Variants in C2CD3 observed in about 807,000 individuals in gnomAD.
C2CD3 encodes the protein C2 domain-containing protein 3.
In C2CD3, 148 loss-of-function variants were observed where a neutral mutation model predicts 234.0. The ratio of observed to expected loss-of-function variants is 0.63; its 90% CI spans 0.55 to 0.72. C2CD3 has a LOEUF of 0.72. C2CD3 is among the 30% of genes least tolerant of loss of function. C2CD3 has a pLI of 0.00. For synonymous variants in C2CD3, 1,000 were observed against 1,035.4 expected (o/e 0.97, Z 0.66); for missense variants, 2,577 against 2,811.5 (o/e 0.92, Z 1.89).
Position 74,106,377 on chromosome 11 carries a change from G to A in C2CD3, c.2079C>T (p.Pro693=). 6.2e-7 allele frequency: 1 copy of A among 1,613,998 alleles called. No individual in the cohort carries two copies. Among genetic ancestry groups the A allele is most frequent in the Non-Finnish European group, 8.5e-7 (1 of 1,179,940 alleles). Residue 693 remains proline, a synonymous_variant, in exon 13 of 33, where the codon CCC becomes CCT. Transcript: ENST00000334126. ...QQENGQSPFG[P]LKVTMELITD... The stretch of plus-strand genomic sequence containing the variant: ...TGAATGTATATCTACATACCTTGAG[G>A]GGGCCAAATGGAGACTGACCATTTT...
chr11:74,157,335 C>T (rs1020085375), intron 3 of C2CD3, among the ~76,000 whole-genome samples: 19 of 152,060 alleles, frequency 1.2e-4, no homozygotes, highest in Non-Finnish European at 2.6e-4. Flanking sequence ...AAACGATATA[C>T]AGTAATTCAT....
chr11:74,113,498 G>A (rs1369773307), intron 11 of C2CD3: 3 of 371,224 alleles, frequency 8.1e-6, no homozygotes, highest in African/African-American at 2.1e-5. Context: ...GGCCAACATG[G>A]TGAAACCCTG....
At position 74,044,392 on chromosome 11, in the gene C2CD3, T is replaced by C. The variant is rs144697628; in HGVS notation, c.5496-2174A>G. Among the ~76,000 whole-genome samples, 664 of 150,864 alleles carry C rather than the reference T, an allele frequency of 4.4e-3. 3 individuals are homozygous for C. The highest frequency in any genetic ancestry group is 0.034 in the Middle Eastern group (10 of 292). ...ATCGCTTGAACCCGGGAGGTGGAGG[T>C]TGCAGTGGGCCAAGATCGTGCCACT... is the stretch of plus-strand genomic sequence containing the variant. On this transcript the variant is annotated intron_variant, in intron 28 of 32. Transcript: ENST00000334126.
rs1354823993 is a variant in C2CD3, at chr11:74,103,327, T to C, written c.2384A>G (p.Asn795Ser). ...PASHNLVNQT[N>S]GTTKESALLL... ...CAAAGCACTCTCTTTTGTTGTCCCA[T>C]TTGTCTGATTGACTAAATTATGGGA... The change falls in exon 14 of 33, where the codon AAT becomes AGT. Residue 795 changes from asparagine (N) to serine (S), a missense_variant. By Grantham distance (46) the Asn-to-Ser change is conservative (BLOSUM62 1). Transcript: ENST00000334126. 1.2e-6 allele frequency: 2 copies of C among 1,614,204 alleles called. No homozygotes were observed. The highest frequency in any genetic ancestry group is 3.3e-5 in the Admixed American group (2 of 60,018).
chr11:74,013,393 T>C lies in C2CD3; in HGVS notation c.7054A>G (p.Lys2352Glu). ...ARIFSSQYSQ[K>E]D ...CAGCCCCTCAGGCTGCGTCAGTCTT[T>C]CTGGGAGTACTGAGAAGAAAATATC... The change falls in exon 33 of 33, where the codon AAA (lysine) becomes GAA (glutamate). Residue 2352 changes from lysine to glutamate, a missense_variant. By Grantham distance (56) the Lys-to-Glu change is moderately conservative (BLOSUM62 1). Coordinates refer to ENST00000334126, the MANE Select transcript of C2CD3 (RefSeq NM_001286577.2). 9.0e-7 allele frequency: 1 copy of C among 1,106,654 alleles called. No homozygotes were observed. Among genetic ancestry groups the C allele is most frequent in the Non-Finnish European group, 1.2e-6 (1 of 827,918 alleles). The allele number at this position is 1,106,654 out of a possible 1,614,324, so 68.6% of individuals were successfully genotyped here.
rs1397646723 is a variant in C2CD3 at position 74,168,516 on chromosome 11, C to A, written c.153G>T (p.Lys51Asn). 6.2e-7 allele frequency: 1 copy of A among 1,614,212 alleles called. No individual in the cohort carries two copies. Among genetic ancestry groups the A allele is most frequent in the Non-Finnish European group, 8.5e-7 (1 of 1,180,016 alleles). ...LKLTVNRVIW[K>N]IAKPPTCVLV... ...GTACACAAGTGGGAGGCTTTGCAAT[C>A]TTCCATATGACTCTATTAACAGTAA... The change falls in exon 2 of 33, where the codon AAG (lysine) becomes AAT (asparagine). Residue 51 changes from lysine (K) to asparagine (N), a missense_variant. By Grantham distance (94) the Lys-to-Asn change is moderately conservative. Coordinates refer to ENST00000334126, the MANE Select transcript of C2CD3 (RefSeq NM_001286577.2).
intron 22 of C2CD3, among the ~76,000 whole-genome samples, chr11:74,081,589 G>C (rs1955363195): frequency 6.7e-6 from 1 of 149,542 alleles, no homozygotes; most frequent in Non-Finnish European, 1.5e-5. Context: ...TAATGTAATG[G>C]ATATTGCCAT....
At chr11:74,120,983 C>T (rs1398075814) in intron 8 of C2CD3, among the ~76,000 whole-genome samples, 2 of 150,218 alleles carry the variant, frequency 1.3e-5, no homozygotes, top group African/African-American at 4.9e-5. Flanking sequence ...ATAGTGAGAC[C>T]CTGTCTCTAC....
rs1251569445 is a variant in C2CD3 at position 74,091,241 on chromosome 11, T to C, written c.3518-305A>G. The C allele has an allele frequency of 1.3e-5, 3 of 239,520 alleles. 1 individual carries two copies. The highest frequency in any genetic ancestry group is 2.3e-5 in the African/African-American group (1 of 43,952). The allele number at this position is 239,520 out of a possible 1,614,324, so 14.8% of individuals were successfully genotyped here. On this transcript the variant is annotated intron_variant, in intron 19 of 32. Coordinates refer to ENST00000334126, the MANE Select transcript of C2CD3 (RefSeq NM_001286577.2). ...TTCTTTTTACCCCCAATTATGTTTA[T>C]AGAATTGAGATGGGCTCTAGCCATT... is the stretch of plus-strand genomic sequence containing the variant.
intron 12 of C2CD3, chr11:74,108,150 C>CAAAAA (rs765009240): frequency 1.9e-5 from 1 of 53,608 alleles, no homozygotes; most frequent in African/African-American, 7.0e-5. Flanking sequence ...GACTCTGTGT[C>CAAAAA]AAAAAAAAAA....
chr11:74,165,497 G>GT (rs1481381071), intron 2 of C2CD3, among the ~76,000 whole-genome samples: 1 of 152,054 alleles, frequency 6.6e-6, no homozygotes, highest in Non-Finnish European at 1.5e-5. Context: ...TTTGCATTTT[G>GT]TATTAAGTGA....
At chr11:74,127,593 G>T (rs1281952098) in intron 7 of C2CD3, among the ~76,000 whole-genome samples, 1 of 151,926 alleles carries the variant, frequency 6.6e-6, no homozygotes, top group Non-Finnish European at 1.5e-5. Flanking sequence ...GCTAGGAGTT[G>T]AATTGCTGGG....
At chr11:74,047,894 G>T (rs1953464503) in intron 28 of C2CD3, among the ~76,000 whole-genome samples, 1 of 152,224 alleles carries the variant, frequency 6.6e-6, no homozygotes, top group Non-Finnish European at 1.5e-5. Context: ...TTTAGCAGGG[G>T]AAAGAAGATG....
intron 3 of C2CD3, among the ~76,000 whole-genome samples, chr11:74,145,583 T>C (rs138303741): frequency 1.6e-4 from 25 of 152,302 alleles, no homozygotes; most frequent in African/African-American, 6.0e-4. Context: ...ATTTTTGCTT[T>C]TGTTGCAATT....
At position 74,028,357 on chromosome 11, in the gene C2CD3, T is replaced by A. The variant is rs1348880957; in HGVS notation, c.6851A>T (p.Gln2284Leu). 5.9e-6 allele frequency: 9 copies of A among 1,535,872 alleles called. No individual in the cohort carries two copies. Among genetic ancestry groups the A allele is most frequent in the Non-Finnish European group, 7.8e-6 (9 of 1,146,860 alleles). Reference protein sequence around the residue: ...IVVPNFFLPPQQLEASLRMLS... With the variant: ...IVVPNFFLPPLQLEASLRMLS... ...CATCCGCAGGGAAGCCTCCAACTGC[T>A]GGGGAGGCAAAAAGAAGTTGGGCAC... Residue 2284 changes from glutamine to leucine, a missense_variant, in exon 32 of 33, where the codon CAG becomes CTG. Transcript: ENST00000334126.
intron 23 of C2CD3, among the ~76,000 whole-genome samples, chr11:74,076,439 T>C (rs1327048179): frequency 6.6e-6 from 1 of 152,224 alleles, no homozygotes; most frequent in Admixed American, 6.5e-5. Flanking sequence ...ATCATATTTG[T>C]AAAGAATCTA....
chr11:74,101,187 C>T (rs1422139615), intron 14 of C2CD3, among the ~76,000 whole-genome samples: 1 of 152,208 alleles, frequency 6.6e-6, no homozygotes, highest in East Asian at 1.9e-4. Flanking sequence ...CCAACTGCTC[C>T]TCTGGATTTT....
At chr11:74,167,037 A>G (rs1200179218) in intron 2 of C2CD3, among the ~76,000 whole-genome samples, 1 of 152,200 alleles carries the variant, frequency 6.6e-6, no homozygotes, top group East Asian at 1.9e-4. Flanking sequence ...TTGTGCAAAT[A>G]TCTAGAAAAT....
At position 74,138,800 on chromosome 11, in the gene C2CD3, T is replaced by G; in HGVS notation, c.875A>C (p.Gln292Pro). The G allele has an allele frequency of 6.2e-7, 1 of 1,613,804 alleles. No homozygotes were observed. The highest frequency in any genetic ancestry group is 8.5e-7 in the Non-Finnish European group (1 of 1,179,676). The change falls in exon 5 of 33, where the codon CAA (glutamine) becomes CCA (proline). Residue 292 changes from glutamine to proline, a missense_variant. By Grantham distance (76) the Gln-to-Pro change is moderately conservative. Transcript: ENST00000334126. ...GTGACTCTTGGCAACTGTTCTAATT[T>G]GAGGCTGGAATTCAGAACTGTTCAG... ...SLLNSSEFQPQIRTVAKSHSD... is the reference protein window; with the variant it reads ...SLLNSSEFQPPIRTVAKSHSD...
Sources: allele counts gnomAD v4.1 joint callset (sites outside exome capture counted in the v4.1 genomes callset), GRCh38; gene constraint gnomAD v4.1.1; transcripts MANE v1.5; gene names NCBI Gene and HGNC (gene_info 2026-07-23, HGNC 2026-07-21).